TCAIM: variants seen among roughly 807,000 people sequenced by gnomAD.
TCAIM encodes the protein T-cell activation inhibitor, mitochondrial.
A neutral mutation model predicts 58.6 loss-of-function variants in TCAIM; 36 were observed. That is an observed-to-expected ratio of 0.61 (90% CI 0.47 to 0.81). TCAIM has a LOEUF of 0.81. Ranked by LOEUF, TCAIM falls within the 30% of genes least tolerant of loss-of-function variation. The pLI, the probability that TCAIM is intolerant of heterozygous loss-of-function variation, is 0.00. For missense variants in TCAIM, 466 were observed against 579.6 expected (o/e 0.80, Z 2.01); for synonymous variants, 172 against 193.6 (o/e 0.89, Z 0.93).
chr3:44,353,664 T>A (rs988850285), intron 1 of TCAIM, among the ~76,000 whole-genome samples: 4 of 152,206 alleles, frequency 2.6e-5, no homozygotes, highest in Non-Finnish European at 4.4e-5. Flanking sequence ...TAATTTGCAG[T>A]TGTCTGACAA....
chr3:44,363,920 C>CTTTTTTT (rs56361211), intron 4 of TCAIM, among the ~76,000 whole-genome samples: 7 of 67,414 alleles, frequency 1.0e-4, no homozygotes, highest in Non-Finnish European at 1.6e-4. Flanking sequence ...GCAAGTCTGT[C>CTTTTTTT]TTTTTTTTTT....
At position 44,403,696 on chromosome 3, in the gene TCAIM, C is replaced by T. The variant is rs535423992; in HGVS notation, c.1250+2362C>T. 4.6e-5 allele frequency among the ~76,000 whole-genome samples: 7 copies of T among 152,180 alleles called. No individual in the cohort carries two copies. In the South Asian group the frequency reaches 1.2e-3, roughly 27 times the overall value. On this transcript the variant is annotated intron_variant, in intron 10 of 10. Coordinates refer to ENST00000342649, the MANE Select transcript of TCAIM (RefSeq NM_173826.4). ...CAAATAGGTCAATTTGTGAATGTTC[C>T]GTCCTACCAGTTGCTCAGGCGAATA...
chr3:44,402,480 C>T (rs1403525789), intron 10 of TCAIM, among the ~76,000 whole-genome samples: 1 of 152,118 alleles, frequency 6.6e-6, no homozygotes, highest in Admixed American at 6.5e-5. Context: ...TTGAAGGAGT[C>T]CTATTATAGC....
At chr3:44,404,023 T>G (rs970632215) in intron 10 of TCAIM, among the ~76,000 whole-genome samples, 1 of 152,156 alleles carries the variant, frequency 6.6e-6, no homozygotes, top group Non-Finnish European at 1.5e-5. Context: ...GCTCAGCTCC[T>G]GGGACTCTCC....
At chr3:44,372,163 C>T (rs1172078614) in intron 5 of TCAIM, among the ~76,000 whole-genome samples, 4 of 152,130 alleles carry the variant, frequency 2.6e-5, no homozygotes, top group Non-Finnish European at 5.9e-5. Context: ...ACTGCGGGAC[C>T]TGAGTATGCA....
intron 3 of TCAIM, chr3:44,359,627 C>T (rs537746425): frequency 2.0e-5 from 3 of 152,302 alleles, no homozygotes; most frequent in Non-Finnish European, 2.9e-5. Flanking sequence ...AACACTTTTA[C>T]GTATTGTCAC....
chr3:44,384,106 T>C (rs1035776281), intron 5 of TCAIM, among the ~76,000 whole-genome samples: 3 of 152,202 alleles, frequency 2.0e-5, no homozygotes, highest in African/African-American at 7.2e-5. Flanking sequence ...ATTTCTTTTA[T>C]CTCAATAGTA....
In TCAIM at chr3:44,361,523, G is replaced by A. The variant is rs775136046; in HGVS notation, c.319+5G>A. The A allele has an allele frequency of 8.2e-6, 13 of 1,584,534 alleles. No individual in the cohort carries two copies. The Admixed American group carries it at 1.1e-4, about 14-fold the overall frequency. ...AGGAACCTTTTAGTACTTCCGGTACGTTTTTTATTTCTGGTGTGTCCCTTG... is the reference window on the plus strand; with the variant it reads ...AGGAACCTTTTAGTACTTCCGGTACATTTTTTATTTCTGGTGTGTCCCTTG... On this transcript the variant is annotated splice_donor_5th_base_variant and intron_variant, in intron 4 of 10. Transcript: ENST00000342649.
intron 5 of TCAIM, among the ~76,000 whole-genome samples, chr3:44,377,790 C>T (rs1293823942): frequency 1.3e-5 from 2 of 151,982 alleles, no homozygotes; most frequent in Admixed American, 1.3e-4. Context: ...TACCATGTAC[C>T]ACATAAATAT....
intron 5 of TCAIM, among the ~76,000 whole-genome samples, chr3:44,387,290 G>A (rs563965539): frequency 6.8e-4 from 103 of 152,308 alleles, no homozygotes; most frequent in African/African-American, 1.9e-3. Context: ...GCTCCTCTCC[G>A]ACTTGCTCAC....
chr3:44,367,324 A>C (rs574092389), intron 4 of TCAIM, 132 bp from the exon 5 acceptor site: 2 of 1,045,948 alleles, frequency 1.9e-6, no homozygotes, highest in Non-Finnish European at 2.6e-6. Context: ...GTCATTTTCC[A>C]TTTACAGGTG....
intron 5 of TCAIM, among the ~76,000 whole-genome samples, chr3:44,377,546 C>G (rs1701585397): frequency 6.6e-6 from 1 of 152,224 alleles, no homozygotes; most frequent in Non-Finnish European, 1.5e-5. Flanking sequence ...ATACAAGACA[C>G]TGTACCTAAC....
rs762921779 is a variant in TCAIM, at chr3:44,407,438, A to C, written c.1251-4A>C. The C allele has an allele frequency of 6.8e-7, 1 of 1,461,216 alleles. No homozygotes were observed. The highest frequency in any genetic ancestry group is 1.4e-5 in the African/African-American group (1 of 70,192). 90.5% of individuals were successfully genotyped at this position (1,461,216 alleles called of 1,614,324 possible). ...TGACAATATTTTTATTTTCTATATA[A>C]TAGGTTAAAGGTTATTGAAAATGAA... is the stretch of plus-strand genomic sequence containing the variant. On this transcript the variant is annotated splice_polypyrimidine_tract_variant and splice_region_variant and intron_variant, in intron 10 of 10. Coordinates refer to ENST00000342649, the MANE Select transcript of TCAIM (RefSeq NM_173826.4).
At chr3:44,404,054 C>T (rs528908536) in intron 10 of TCAIM, among the ~76,000 whole-genome samples, 1 of 152,280 alleles carries the variant, frequency 6.6e-6, no homozygotes, top group East Asian at 1.9e-4. Context: ...TCTGCTCCAG[C>T]CTTTTTATAG....
intron 5 of TCAIM, among the ~76,000 whole-genome samples, chr3:44,386,471 G>A (rs1478888946): frequency 6.6e-6 from 1 of 152,192 alleles, no homozygotes; most frequent in Non-Finnish European, 1.5e-5. Context: ...GAATTGGTAG[G>A]GTGGGAGCCC....
intron 5 of TCAIM, among the ~76,000 whole-genome samples, chr3:44,377,824 T>C (rs1020430597): frequency 2.0e-5 from 3 of 151,896 alleles, no homozygotes; most frequent in African/African-American, 4.8e-5. Context: ...CCCATGAAAA[T>C]TAAAAATAAA....
In TCAIM at chr3:44,401,348, G is replaced by T. The variant is rs1199331761; in HGVS notation, c.1250+14G>T. 6.2e-7 allele frequency: 1 copy of T among 1,613,020 alleles called. No individual in the cohort carries two copies. Among genetic ancestry groups the T allele is most frequent in the Non-Finnish European group, 8.5e-7 (1 of 1,179,644 alleles). On this transcript the variant is annotated intron_variant, in intron 10 of 10. Coordinates refer to ENST00000342649, the MANE Select transcript of TCAIM (RefSeq NM_173826.4). ...AAGAAAGGAAGAGTAAGTACTGCCA[G>T]TCTTCTGTAAAGTCAGATCATTCAG...
chr3:44,372,064 A>AGGAAGGAG (rs1553659752), intron 5 of TCAIM, among the ~76,000 whole-genome samples: 3,510 of 146,076 alleles, frequency 0.024, 84 homozygotes, highest in African/African-American at 0.036. Flanking sequence ...GAAGGAAGGA[A>AGGAAGGAG]GGAAGGAAGG....
chr3:44,349,537 A>C (rs1701041953), intron 1 of TCAIM, among the ~76,000 whole-genome samples: 1 of 152,092 alleles, frequency 6.6e-6, no homozygotes, highest in African/African-American at 2.4e-5. Flanking sequence ...ACATGGAGAG[A>C]GGGGGATACT....
Sources: gnomAD v4.1 joint callset for allele counts (sites outside exome capture counted in the v4.1 genomes callset) on GRCh38, gnomAD v4.1.1 for gene constraint, MANE v1.5 for transcripts, NCBI Gene and HGNC (gene_info 2026-07-23, HGNC 2026-07-21) for gene names.